The following MORC1 variants were observed in gnomAD, a reference collection of about 807,000 sequenced individuals.
The protein encoded by MORC1 is MORC family CW-type zinc finger protein 1.
A neutral mutation model predicts 134.9 loss-of-function variants in MORC1; 59 were observed. That is an observed-to-expected ratio of 0.44 (90% CI 0.35 to 0.54). The LOEUF (loss-of-function observed/expected upper bound fraction) is 0.54, where lower values mean the gene tolerates loss of function less well. Among genes scored for constraint, MORC1 ranks in the 20% least tolerant of loss-of-function variants. The pLI is 0.00. For synonymous variants in MORC1, 395 were observed against 391.7 expected (o/e 1.01, Z -0.10); for missense variants, 947 against 1,134.5 (o/e 0.83, Z 2.37).
At chr3:109,063,697 T>G (rs1950133407) in intron 9 of MORC1, among the ~76,000 whole-genome samples, 1 of 152,208 alleles carries the variant, frequency 6.6e-6, no homozygotes, top group Admixed American at 6.5e-5. Flanking sequence ...AAGCACATTT[T>G]CTGCTTTACT....
At chr3:108,983,999 T>C (rs1181565136) in intron 23 of MORC1, among the ~76,000 whole-genome samples, 1 of 152,194 alleles carries the variant, frequency 6.6e-6, no homozygotes, top group East Asian at 1.9e-4. Context: ...TTAAAAGTAG[T>C]AGGGGCTGAA....
At chr3:108,997,553 C>G (rs1042963493) in intron 21 of MORC1, among the ~76,000 whole-genome samples, 1 of 151,948 alleles carries the variant, frequency 6.6e-6, no homozygotes, top group Non-Finnish European at 1.5e-5. Context: ...ATTGCTTCAA[C>G]AGACCACAGG....
chr3:109,107,211 T>G (rs987970679), intron 3 of MORC1, among the ~76,000 whole-genome samples: 4 of 152,224 alleles, frequency 2.6e-5, no homozygotes, highest in Non-Finnish European at 5.9e-5. Context: ...TTCCTAATCC[T>G]TCCATGTCAT....
chr3:109,051,009 T>C (rs979719608), intron 14 of MORC1, among the ~76,000 whole-genome samples: 5 of 152,202 alleles, frequency 3.3e-5, no homozygotes, highest in African/African-American at 1.2e-4. Flanking sequence ...CATTTGTTTC[T>C]CCCCACTTTT....
At chr3:108,985,781 G>C (rs940170799) in intron 22 of MORC1, among the ~76,000 whole-genome samples, 4 of 152,086 alleles carry the variant, frequency 2.6e-5, no homozygotes, top group Non-Finnish European at 4.4e-5. Context: ...AATTTTTCTA[G>C]TACAATTTGG....
chr3:109,040,431 A>AAGGAAGGGAGGAAG (rs1559912646), intron 14 of MORC1, among the ~76,000 whole-genome samples: 1 of 20,888 alleles, frequency 4.8e-5, no homozygotes, highest in Non-Finnish European at 1.1e-4. Context: ...AAGGAAGGAA[A>AAGGAAGGGAGGAAG]GAAAGAAAGA....
chr3:109,099,543 G>A (rs557904359), intron 5 of MORC1, 77 bp from the exon 6 acceptor site: 26 of 1,038,900 alleles, frequency 2.5e-5, no homozygotes, highest in African/African-American at 9.8e-5. Context: ...TGTTATCACC[G>A]TGTACTGTAA....
chr3:109,001,159 G>A (rs559164949), intron 20 of MORC1, among the ~76,000 whole-genome samples: 210 of 151,906 alleles, frequency 1.4e-3, no homozygotes, highest in African/African-American at 3.7e-3. Flanking sequence ...TTGAGATGGA[G>A]TTTCGCTCTT....
chr3:109,019,466 C>T (rs978311617), intron 17 of MORC1, among the ~76,000 whole-genome samples: 1 of 152,180 alleles, frequency 6.6e-6, no homozygotes, highest in South Asian at 2.1e-4. Context: ...AAAGCAGAGT[C>T]GTTTGAACAG....
intron 11 of MORC1, among the ~76,000 whole-genome samples, chr3:109,060,896 G>A (rs1950064433): frequency 6.6e-6 from 1 of 151,520 alleles, no homozygotes; most frequent in Admixed American, 6.6e-5. Flanking sequence ...ACAAAGCAAA[G>A]GGAAATGATT....
chr3:108,999,617 T>C (rs1948340737), intron 21 of MORC1, among the ~76,000 whole-genome samples: 2 of 152,128 alleles, frequency 1.3e-5, no homozygotes, highest in Non-Finnish European at 2.9e-5. Flanking sequence ...CTATATAGCA[T>C]TTTGAGGGAC....
At chr3:108,982,828 C>G (rs1198450875) in intron 23 of MORC1, among the ~76,000 whole-genome samples, 1 of 151,874 alleles carries the variant, frequency 6.6e-6, no homozygotes, top group Non-Finnish European at 1.5e-5. Context: ...AGGCCCCTTT[C>G]CAGTCAATCC....
chr3:109,012,564 ATTTATGTG>A (rs1401691470), intron 17 of MORC1, among the ~76,000 whole-genome samples: 1 of 152,090 alleles, frequency 6.6e-6, no homozygotes, highest in Non-Finnish European at 1.5e-5. Context: ...ATCTGTCTTC[ATTTATGTG>A]TTTTATTTAA....
Position 109,002,982 on chromosome 3 carries a change from C to T in MORC1, c.2085+1835G>A, listed in dbSNP as rs78514011. ...CTCATTGCTTAGAAGTGCTTTTCCTCCCCTTCTACCAATGTAATTACATTT... is the reference window on the plus strand; with the variant it reads ...CTCATTGCTTAGAAGTGCTTTTCCTTCCCTTCTACCAATGTAATTACATTT... On this transcript the variant is annotated intron_variant, in intron 20 of 27. Coordinates refer to ENST00000232603, the MANE Select transcript of MORC1 (RefSeq NM_014429.4). 5.5e-3 allele frequency among the ~76,000 whole-genome samples: 832 copies of T among 152,202 alleles called. 9 individuals carry two copies. Among genetic ancestry groups the T allele is most frequent in the African/African-American group, 0.016 (646 of 41,518 alleles).
chr3:108,995,825 G>A (rs1948186866), intron 21 of MORC1, among the ~76,000 whole-genome samples: 1 of 152,182 alleles, frequency 6.6e-6, no homozygotes, highest in Admixed American at 6.5e-5. Flanking sequence ...CTTGGCTGGA[G>A]ATGCCCATCT....
At position 109,100,477 on chromosome 3, in the gene MORC1, C is replaced by G. The variant is rs746239411; in HGVS notation, c.254G>C (p.Arg85Pro). The G allele has an allele frequency of 2.5e-6, 4 of 1,613,112 alleles. No individual in the cohort carries two copies. The highest frequency in any genetic ancestry group is 2.7e-5 in the African/African-American group (2 of 74,872). The change falls in exon 5 of 28, where the codon CGA (arginine) becomes CCA (proline). Residue 85 changes from arginine to proline, a missense_variant. Coordinates refer to ENST00000232603, the MANE Select transcript of MORC1 (RefSeq NM_014429.4). ...CAAGGTTGACAGCCGTTTTTTGGATCGTCCAAAGTAAATGATGTCTGAAGC... is the reference window on the plus strand; with the variant it reads ...CAAGGTTGACAGCCGTTTTTTGGATGGTCCAAAGTAAATGATGTCTGAAGC... ...EEASDIIYFG[R>P]SKKRLSTLKF...
intron 23 of MORC1, among the ~76,000 whole-genome samples, chr3:108,984,449 TTAAAG>T (rs1430689455): frequency 6.6e-6 from 1 of 152,186 alleles, no homozygotes; most frequent in Non-Finnish European, 1.5e-5. Flanking sequence ...TTTGACTACA[TTAAAG>T]TAATTTGAAT....
intron 17 of MORC1, among the ~76,000 whole-genome samples, chr3:109,012,270 C>T (rs528878438): frequency 1.3e-5 from 2 of 152,094 alleles, no homozygotes; most frequent in Non-Finnish European, 1.5e-5. Flanking sequence ...ACATGTGGGT[C>T]TATTTCTAAA....
intron 14 of MORC1, among the ~76,000 whole-genome samples, chr3:109,051,247 G>C (rs370531048): frequency 3.2e-4 from 49 of 152,162 alleles, no homozygotes; most frequent in African/African-American, 1.2e-3. Context: ...TTGCTGATTC[G>C]ATTTTTACAA....
Sources: gnomAD v4.1 joint callset for allele counts (sites outside exome capture counted in the v4.1 genomes callset) on GRCh38, gnomAD v4.1.1 for gene constraint, MANE v1.5 for transcripts, NCBI Gene and HGNC (gene_info 2026-07-23, HGNC 2026-07-21) for gene names.